Variants in RASGRF1 observed in about 807,000 individuals in gnomAD.
The protein encoded by RASGRF1 is Ras protein specific guanine nucleotide releasing factor 1, also known as ras-specific guanine nucleotide-releasing factor 1.
Under a neutral mutation model 138.7 loss-of-function variants are expected in RASGRF1, and 40 were observed. The observed-to-expected ratio is 0.29, with a 90% CI of 0.22 to 0.38. RASGRF1 has a LOEUF of 0.38. Ranked by LOEUF, RASGRF1 falls within the 10% of genes least tolerant of loss-of-function variation. RASGRF1 has a pLI of 1.00. For missense variants in RASGRF1, 1,108 were observed against 1,650.4 expected (o/e 0.67, Z 5.69); for synonymous variants, 614 against 663.2 (o/e 0.93, Z 1.14).
intron 16 of RASGRF1, among the ~76,000 whole-genome samples, chr15:79,001,438 G>C (rs1036962533): frequency 6.6e-6 from 1 of 151,712 alleles, no homozygotes; most frequent in African/African-American, 2.4e-5. Context: ...TTGAGTTGAA[G>C]AGCAGGATCT....
intron 1 of RASGRF1, among the ~76,000 whole-genome samples, chr15:79,072,267 CTT>C (rs758415767): frequency 6.3e-4 from 39 of 61,572 alleles, no homozygotes; most frequent in Admixed American, 3.7e-3. Context: ...GATAAACAAT[CTT>C]TTTTTTTTTT....
intron 20 of RASGRF1, among the ~76,000 whole-genome samples, 181 bp from the exon 21 acceptor site, chr15:78,991,975 A>T (rs1383280238): frequency 6.6e-6 from 1 of 152,128 alleles, no homozygotes; most frequent in African/African-American, 2.4e-5. Context: ...GGTGGAGGGA[A>T]GGGGACGGAG....
At chr15:79,083,464 G>A (rs1245708605) in intron 1 of RASGRF1, among the ~76,000 whole-genome samples, 1 of 152,222 alleles carries the variant, frequency 6.6e-6, no homozygotes, top group African/African-American at 2.4e-5. Context: ...GGGTGTGGAT[G>A]CCTGCCTTGG....
At chr15:79,064,918 G>A (rs1418000393) in intron 1 of RASGRF1, among the ~76,000 whole-genome samples, 1 of 152,192 alleles carries the variant, frequency 6.6e-6, no homozygotes, top group East Asian at 1.9e-4. Context: ...CCACAAAAAT[G>A]GAATAAGTGC....
In RASGRF1 at chr15:79,017,769, C is replaced by T; in HGVS notation, c.1743+1G>A. 2 of 1,604,362 alleles carry T rather than the reference C, an allele frequency of 1.2e-6. No individual in the cohort carries two copies. Among genetic ancestry groups the T allele is most frequent in the Non-Finnish European group, 1.7e-6 (2 of 1,176,358 alleles). ...TTTCAGGAACAGGTGACGCTACTCA[C>T]CTGGCTGATGTCACTGGTCCACGCT... On this transcript the variant is annotated splice_donor_variant, in intron 12 of 26. Coordinates refer to ENST00000558480, the MANE Select transcript of RASGRF1 (RefSeq NM_001145648.3). LOFTEE classifies it high-confidence loss of function.
chr15:78,993,961 G>A (rs745357626), intron 20 of RASGRF1, among the ~76,000 whole-genome samples: 6 of 152,164 alleles, frequency 3.9e-5, no homozygotes, highest in Non-Finnish European at 5.9e-5. Flanking sequence ...TAGTGAGGCC[G>A]CGGGGCCCTC....
At chr15:79,074,589 T>C (rs1447172360) in intron 1 of RASGRF1, among the ~76,000 whole-genome samples, 1 of 152,138 alleles carries the variant, frequency 6.6e-6, no homozygotes, top group Non-Finnish European at 1.5e-5. Context: ...ACCCTTATCG[T>C]GAGCCTCACT....
chr15:79,058,540 G>A (rs2057541606), intron 2 of RASGRF1, 59 bp from the exon 3 acceptor site: 1 of 1,593,260 alleles, frequency 6.3e-7, no homozygotes, highest in Admixed American at 1.7e-5. Context: ...GGCGAACCAA[G>A]CAGGGCACTG....
intron 4 of RASGRF1, among the ~76,000 whole-genome samples, chr15:79,047,545 C>T (rs1011095747): frequency 2.6e-5 from 4 of 152,164 alleles, no homozygotes; most frequent in Non-Finnish European, 4.4e-5. Context: ...TCAAATTGAA[C>T]GGAACATGGA....
chr15:79,081,216 G>T (rs1415286016), intron 1 of RASGRF1, among the ~76,000 whole-genome samples: 1 of 152,256 alleles, frequency 6.6e-6, no homozygotes, highest in Admixed American at 6.5e-5. Context: ...TGGGGCTGCA[G>T]AGTCTCAGAA....
chr15:78,986,092 C>G (rs185550571), intron 22 of RASGRF1, among the ~76,000 whole-genome samples: 1 of 152,096 alleles, frequency 6.6e-6, no homozygotes, highest in Non-Finnish European at 1.5e-5. Flanking sequence ...AATCTACCAT[C>G]ATACAACTAG....
chr15:79,075,551 ACT>A, intron 1 of RASGRF1, among the ~76,000 whole-genome samples: 1 of 151,704 alleles, frequency 6.6e-6, no homozygotes, highest in Non-Finnish European at 1.5e-5. Flanking sequence ...ACCTACTTAG[ACT>A]CTCTTTTGCC....
chr15:78,969,731 A>G (rs183110627), intron 26 of RASGRF1, among the ~76,000 whole-genome samples: 1 of 152,032 alleles, frequency 6.6e-6, no homozygotes, highest in Non-Finnish European at 1.5e-5. Context: ...TCCTTTCCCA[A>G]CCTCCCATTC....
Position 78,980,637 on chromosome 15 carries a change from G to A in RASGRF1, c.3477C>T (p.Leu1159=). 1 of 1,605,118 alleles carries A rather than the reference G, an allele frequency of 6.2e-7. No homozygotes were observed. Among genetic ancestry groups the A allele is most frequent in the Non-Finnish European group, 8.5e-7 (1 of 1,172,310 alleles). ...LVSSEGRFKN[L]REALKNCDPP... is the part of the protein sequence containing the mutation. ...ACACTTACTTTTTCAGAGCTTCTCT[G>A]AGATTCTTAAATCTGCCCTCAGATG... The change falls in exon 24 of 27, where the codon CTC becomes CTT. Residue 1159 remains leucine (L), a synonymous_variant. Transcript: ENST00000558480.
At chr15:78,985,466 A>G (rs778933875) in intron 22 of RASGRF1, 2 of 387,108 alleles carry the variant, frequency 5.2e-6, no homozygotes, top group Non-Finnish European at 9.4e-6. Context: ...GAATCTGTAA[A>G]TACCTAGGAA....
intron 8 of RASGRF1, among the ~76,000 whole-genome samples, 184 bp downstream of exon 8, chr15:79,031,216 T>G (rs1335794114): frequency 6.6e-6 from 1 of 152,280 alleles, no homozygotes; most frequent in Middle Eastern, 3.4e-3. Context: ...CTACCGGGGC[T>G]TGAGTTGTAA....
chr15:79,038,782 T>C (rs1457910085), intron 5 of RASGRF1, among the ~76,000 whole-genome samples: 1 of 152,210 alleles, frequency 6.6e-6, no homozygotes, highest in Admixed American at 6.5e-5. Context: ...CTGCTTGGCT[T>C]GGGGAATCAT....
Position 79,004,044 on chromosome 15 carries a change from C to T in RASGRF1, c.2207G>A (p.Ser736Asn), listed in dbSNP as rs145347876. 3.8e-3 allele frequency: 6,137 copies of T among 1,614,116 alleles called. 44 individuals carry two copies. The highest frequency in any genetic ancestry group is 3.6e-3 in the Middle Eastern group (22 of 6,060). ...PLSITKTSSP[S>N]RRRKLSLNIP... is the part of the protein sequence containing the mutation. ...GTTCAGGGAGAGCTTCCGCCGGCGG[C>T]TCGGTGACGATGTCTTGGTGATGGA... The change falls in exon 15 of 27, where the codon AGC (serine) becomes AAC (asparagine). Residue 736 changes from serine (S) to asparagine (N), a missense_variant. Around this residue, in one of 3 missense-constraint regions of RASGRF1, gnomAD observed 686 missense variants for 976.7 expected, o/e 0.70. Coordinates refer to ENST00000558480, the MANE Select transcript of RASGRF1 (RefSeq NM_001145648.3).
At chr15:79,026,194 C>T (rs2057048178) in intron 9 of RASGRF1, among the ~76,000 whole-genome samples, 1 of 152,218 alleles carries the variant, frequency 6.6e-6, no homozygotes, top group Non-Finnish European at 1.5e-5. Context: ...GATTCAGGCA[C>T]TTGAGGCCTC....
Sources: gnomAD v4.1 joint callset for allele counts (sites outside exome capture counted in the v4.1 genomes callset) on GRCh38, gnomAD v4.1.1 for gene constraint, gnomAD v4.1.1 regional missense constraint, MANE v1.5 for transcripts, NCBI Gene and HGNC (gene_info 2026-07-23, HGNC 2026-07-21) for gene names.